The following OCA2 variants were observed in gnomAD, a reference collection of about 807,000 sequenced individuals.
OCA2 encodes the protein P protein.
A neutral mutation model predicts 100.2 loss-of-function variants in OCA2; 77 were observed. The observed-to-expected ratio is 0.77, with a 90% CI of 0.64 to 0.93. OCA2 has a LOEUF of 0.93. OCA2 is among the 40% of genes least tolerant of loss of function. OCA2 has a pLI of 0.00. For synonymous variants in OCA2, 432 were observed against 439.2 expected (o/e 0.98, Z 0.21); for missense variants, 1,062 against 1,089.1 (o/e 0.98, Z 0.35).
At chr15:28,068,433 C>T (rs939694472) in intron 2 of OCA2, among the ~76,000 whole-genome samples, 1 of 152,128 alleles carries the variant, frequency 6.6e-6, no homozygotes. Context: ...CTGAATAAAC[C>T]AGTATCAACA....
chr15:27,819,819 A>G (rs1204742634), intron 23 of OCA2, among the ~76,000 whole-genome samples: 1 of 152,206 alleles, frequency 6.6e-6, no homozygotes, highest in African/African-American at 2.4e-5. Context: ...CAATGAGCAC[A>G]CCTAGATCCC....
chr15:27,844,706 G>T (rs1000520938), intron 23 of OCA2, among the ~76,000 whole-genome samples: 4 of 151,976 alleles, frequency 2.6e-5, no homozygotes, highest in African/African-American at 9.7e-5. Context: ...TCACCATGTT[G>T]CCCAGGCTGG....
chr15:28,021,667 T>A lies in OCA2; in HGVS notation c.646+834A>T, dbSNP rs1314784249. Among the ~76,000 whole-genome samples the A allele has an allele frequency of 2.0e-5, 3 of 152,046 alleles. No individual in the cohort carries two copies. The East Asian group carries it at 5.8e-4, about 29-fold the overall frequency. ...GCCTGGGGAAGATCCCGGGAAAGCA[T>A]CCCCCAGTGATGCCAAGCTTCACCC... On this transcript the variant is annotated intron_variant, in intron 6 of 23. Transcript: ENST00000354638.
chr15:27,974,812 G>A (rs2040914553), intron 14 of OCA2, among the ~76,000 whole-genome samples: 1 of 152,164 alleles, frequency 6.6e-6, no homozygotes, highest in South Asian at 2.1e-4. Context: ...TAGAAGACAA[G>A]GAATGCTGTC....
intron 22 of OCA2, among the ~76,000 whole-genome samples, chr15:27,847,473 T>C (rs1469020500): frequency 6.6e-6 from 1 of 152,062 alleles, no homozygotes; most frequent in Non-Finnish European, 1.5e-5. Flanking sequence ...GCCCCTCCTG[T>C]CTTATTGGTC....
chr15:27,806,469 C>T (rs1286395508), intron 23 of OCA2, among the ~76,000 whole-genome samples: 2 of 152,148 alleles, frequency 1.3e-5, no homozygotes, highest in Non-Finnish European at 2.9e-5. Context: ...GCATAGGTGG[C>T]ACCCCGGCTC....
chr15:27,795,209 C>A (rs2033277272), intron 23 of OCA2, among the ~76,000 whole-genome samples: 1 of 152,334 alleles, frequency 6.6e-6, no homozygotes, highest in South Asian at 2.1e-4. Flanking sequence ...AGCGTCTGTG[C>A]TCCAACCCGT....
chr15:28,053,781 C>T (rs1038160460), intron 2 of OCA2, among the ~76,000 whole-genome samples: 4 of 152,228 alleles, frequency 2.6e-5, no homozygotes, highest in Non-Finnish European at 5.9e-5. Flanking sequence ...TCACGATGCT[C>T]AGCGCAACCA....
At chr15:27,857,085 A>C (rs749136064) in intron 21 of OCA2, among the ~76,000 whole-genome samples, 1 of 152,252 alleles carries the variant, frequency 6.6e-6, no homozygotes, top group East Asian at 1.9e-4. Flanking sequence ...ATGTTAATTC[A>C]GCTATCTTAA....
chr15:27,941,043 C>G (rs759059708), intron 18 of OCA2, among the ~76,000 whole-genome samples: 11 of 152,188 alleles, frequency 7.2e-5, no homozygotes, highest in Non-Finnish European at 1.3e-4. Flanking sequence ...GGAAGAATCT[C>G]TTGGTCCCAA....
chr15:27,994,956 G>A (rs1288862467), intron 9 of OCA2, among the ~76,000 whole-genome samples: 1 of 152,036 alleles, frequency 6.6e-6, no homozygotes, highest in Admixed American at 6.6e-5. Context: ...AAGACAGCAG[G>A]GATAGCTAAA....
At chr15:27,723,675 C>T in the OCA2 span, among the ~76,000 whole-genome samples, 10 of 152,276 alleles carry the variant, frequency 6.6e-5, no homozygotes, top group South Asian at 1.7e-3. Flanking sequence ...TCTTTGCCTC[C>T]GCCCATCCTT....
At chr15:28,069,168 A>G (rs1251538479) in intron 2 of OCA2, among the ~76,000 whole-genome samples, 2 of 152,108 alleles carry the variant, frequency 1.3e-5, no homozygotes, top group East Asian at 3.9e-4. Context: ...CTTCACGGAC[A>G]ATATGATTCT....
chr15:28,020,412 C>A (rs891363859), intron 6 of OCA2, among the ~76,000 whole-genome samples: 17 of 152,228 alleles, frequency 1.1e-4, no homozygotes, highest in African/African-American at 3.9e-4. Context: ...CTGCCTGAGT[C>A]CCACTGAGGA....
intron 2 of OCA2, among the ~76,000 whole-genome samples, chr15:28,077,358 C>A (rs372773321): frequency 1.3e-4 from 20 of 152,118 alleles, no homozygotes; most frequent in African/African-American, 3.9e-4. Flanking sequence ...CGCACCCAGC[C>A]CTGTGCTTAG....
intron 22 of OCA2, among the ~76,000 whole-genome samples, chr15:27,848,384 AT>A (rs1205243045): frequency 3.3e-5 from 5 of 152,242 alleles, no homozygotes; most frequent in Admixed American, 2.6e-4. Flanking sequence ...TGTTGCAGTC[AT>A]TTAATAAGAT....
chr15:27,895,995 T>A (rs1032401577), intron 19 of OCA2: 1 of 851,400 alleles, frequency 1.2e-6, no homozygotes, highest in Non-Finnish European at 2.0e-6. Flanking sequence ...TACGCTGCGG[T>A]GTATTGTACT....
At chr15:27,748,139 G>A in the OCA2 span, among the ~76,000 whole-genome samples, 1 of 152,124 alleles carries the variant, frequency 6.6e-6, no homozygotes, top group Non-Finnish European at 1.5e-5. Flanking sequence ...AACCAACTAG[G>A]GAGAGCAATC....
At chr15:28,026,569 C>T (rs1403253826) in intron 4 of OCA2, among the ~76,000 whole-genome samples, 1 of 152,206 alleles carries the variant, frequency 6.6e-6, no homozygotes, top group Non-Finnish European at 1.5e-5. Context: ...CCATGTCAAG[C>T]AGCGATGTGG....
Sources: allele counts gnomAD v4.1 joint callset (sites outside exome capture counted in the v4.1 genomes callset), GRCh38; gene constraint gnomAD v4.1.1; transcripts MANE v1.5; gene names NCBI Gene and HGNC (gene_info 2026-07-23, HGNC 2026-07-21).